The following NDE1 variants were observed in gnomAD, a reference collection of about 807,000 sequenced individuals.
NDE1 encodes the protein nudE neurodevelopment protein 1.
Under a neutral mutation model 43.4 loss-of-function variants are expected in NDE1, and 28 were observed. That is an observed-to-expected ratio of 0.65 (90% CI 0.48 to 0.89). The LOEUF is 0.89. Among genes scored for constraint, NDE1 ranks in the 40% least tolerant of loss-of-function variants. NDE1 has a pLI of 0.00. For synonymous variants in NDE1, 184 were observed against 172.0 expected, an observed-to-expected ratio of 1.07 and a Z score of -0.55; for missense variants, 441 against 434.1, an observed-to-expected ratio of 1.02 and a Z score of -0.14.
chr16:15,694,310 T>C, intron 7 of NDE1, 54 bp downstream of exon 7: 13 of 1,596,376 alleles, frequency 8.1e-6, no homozygotes, highest in Non-Finnish European at 1.1e-5. Context: ...TTTCAGGATG[T>C]GTGAAGGGGG....
intron 8 of NDE1, chr16:15,719,038 G>C: frequency 1.5e-6 from 1 of 661,128 alleles, no homozygotes; most frequent in South Asian, 1.6e-5. Context: ...TGAGGCAGGA[G>C]AATTGCTTGA....
intron 1 of NDE1, among the ~76,000 whole-genome samples, chr16:15,656,989 C>A (rs1382172566): frequency 6.6e-6 from 1 of 152,164 alleles, no homozygotes; most frequent in Non-Finnish European, 1.5e-5. Flanking sequence ...CAGGAGGAGT[C>A]ATTCTGCTTT....
Position 15,720,295 on chromosome 16 carries a change from C to T in NDE1, c.948-3896C>T, listed in dbSNP as rs140577744. On this transcript the variant is annotated intron_variant, in intron 8 of 8. Coordinates refer to ENST00000396354, the MANE Select transcript of NDE1 (RefSeq NM_017668.3). The stretch of plus-strand genomic sequence containing the variant: ...GTTGCTTTCGCTCGTCTTCCAGTTC[C>T]GTCTCATACTCGTGAAGCTGGGCGA... 1.1e-4 allele frequency: 173 copies of T among 1,613,982 alleles called. No individual in the cohort carries two copies. Among genetic ancestry groups the T allele is most frequent in the Non-Finnish European group, 1.3e-4 (150 of 1,180,002 alleles).
intron 5 of NDE1, among the ~76,000 whole-genome samples, chr16:15,689,552 A>G (rs2038622927): frequency 1.3e-5 from 2 of 152,204 alleles, no homozygotes; most frequent in Non-Finnish European, 1.5e-5. Flanking sequence ...CATACACAGG[A>G]CAACATATTG....
At chr16:15,691,366 T>G in intron 6 of NDE1, 43 bp downstream of exon 6, 3 of 1,599,068 alleles carry the variant, frequency 1.9e-6, no homozygotes, top group Non-Finnish European at 2.6e-6. Context: ...GTTCACAAAG[T>G]GTTTCTGGGT....
At chr16:15,668,040 C>G (rs1355558886) in intron 3 of NDE1, among the ~76,000 whole-genome samples, 1 of 151,646 alleles carries the variant, frequency 6.6e-6, no homozygotes, top group African/African-American at 2.4e-5. Flanking sequence ...TTACAGCTCA[C>G]TGCACCCTGG....
At chr16:15,700,109 GT>G in intron 8 of NDE1, 3 of 1,124,506 alleles carry the variant, frequency 2.7e-6, no homozygotes, top group Admixed American at 4.4e-5. Context: ...CTACCGTGTT[GT>G]TTTTGAGATA....
Position 15,725,155 on chromosome 16 carries a change from A to C in NDE1, c.*904A>C. On this transcript the variant is annotated 3_prime_UTR_variant, in exon 9 of 9. Transcript: ENST00000396354. ...CTGATAAAAAAAAAAAAAAACACACACACACACAAAAAAAACAGAATCTGT... is the reference window on the plus strand; with the variant it reads ...CTGATAAAAAAAAAAAAAAACACACCCACACACAAAAAAAACAGAATCTGT... The C allele has an allele frequency of 3.1e-6, 2 of 649,516 alleles. No homozygotes were observed. The highest frequency in any genetic ancestry group is 2.7e-5 in the East Asian group (1 of 36,818). 40.2% of individuals were successfully genotyped at this position (649,516 alleles called of 1,614,324 possible). A position where few individuals can be genotyped will look rare whatever the true frequency, so the allele number is the denominator to read the frequency against.
intron 8 of NDE1, chr16:15,699,507 G>A: frequency 8.7e-7 from 1 of 1,143,186 alleles, no homozygotes; most frequent in Non-Finnish European, 1.1e-6. Flanking sequence ...GGTAAGAGAT[G>A]GATTTTTCTA....
chr16:15,696,575 G>A, intron 7 of NDE1, 134 bp from the exon 8 acceptor site: 1 of 1,527,658 alleles, frequency 6.5e-7, no homozygotes, highest in Non-Finnish European at 8.8e-7. Context: ...GATTCCTCTT[G>A]GGGTCCCACC....
chr16:15,711,460 A>G (rs1252960691), intron 8 of NDE1, among the ~76,000 whole-genome samples: 2 of 152,198 alleles, frequency 1.3e-5, no homozygotes, highest in African/African-American at 2.4e-5. Flanking sequence ...TATTTTTATC[A>G]TATTACTTTC....
rs1277876461 is a variant in NDE1 at position 15,719,598 on chromosome 16, A to G, written c.948-4593A>G. 2.5e-6 allele frequency: 4 copies of G among 1,614,184 alleles called. No individual in the cohort carries two copies. Among genetic ancestry groups the G allele is most frequent in the South Asian group, 1.1e-5 (1 of 91,084 alleles). ...GCGAGGCTTTACCTCTTGTAGCTGC[A>G]TGAGGTCTGCTTCCAAGCTCTTGGC... is the stretch of plus-strand genomic sequence containing the variant. On this transcript the variant is annotated intron_variant, in intron 8 of 8. Transcript: ENST00000396354.
chr16:15,643,421 T>C (rs1423089806), exon 1 of NDE1: 11 of 464,584 alleles, frequency 2.4e-5, no homozygotes, highest in Non-Finnish European at 4.4e-5. Context: ...CGTTGTGGAG[T>C]CGAAAGGAAC....
At chr16:15,697,112 G>C (rs555575478) in intron 8 of NDE1, 1 of 961,124 alleles carries the variant, frequency 1.0e-6, no homozygotes. Context: ...ACGATGGCAG[G>C]ATCATGGCTC....
intron 3 of NDE1, 84 bp from the exon 4 acceptor site, chr16:15,677,717 G>GTGACTCCAGGTGGATGTGTGC: frequency 1.6e-5 from 24 of 1,503,710 alleles, no homozygotes; most frequent in Middle Eastern, 1.7e-4. Flanking sequence ...CCGAGTAGCT[G>GTGACTCCAGGTGGATGTGTGC]TGACTCCAGG....
intron 6 of NDE1, among the ~76,000 whole-genome samples, chr16:15,693,704 C>T (rs2038867875): frequency 6.6e-6 from 1 of 152,092 alleles, no homozygotes; most frequent in Non-Finnish European, 1.5e-5. Flanking sequence ...CTTTTGGAGG[C>T]CAAGGCGGGC....
Position 15,696,774 on chromosome 16 carries a change from T to G in NDE1, c.861T>G (p.Gly287=). The part of the protein sequence containing the change: ...LVYDQSPNRT[G]GPASGRSSKN... ...ACGATCAGTCCCCAAACCGAACAGG[T>G]GGCCCAGCCTCTGGGCGGAGCAGCA... Residue 287 remains glycine (G), a synonymous_variant, in exon 8 of 9, where the codon GGT becomes GGG. Coordinates refer to ENST00000396354, the MANE Select transcript of NDE1 (RefSeq NM_017668.3). 1 of 1,614,166 alleles carries G rather than the reference T, an allele frequency of 6.2e-7. No homozygotes were observed. The highest frequency in any genetic ancestry group is 1.1e-5 in the South Asian group (1 of 91,072).
chr16:15,685,940 T>C (rs2151097163), intron 4 of NDE1, among the ~76,000 whole-genome samples: 1 of 151,706 alleles, frequency 6.6e-6, no homozygotes, highest in African/African-American at 2.4e-5. Flanking sequence ...ATCTGTTGTG[T>C]GCTTCCTGTA....
intron 8 of NDE1, chr16:15,699,869 A>T (rs1414285685): frequency 7.6e-7 from 1 of 1,320,934 alleles, no homozygotes; most frequent in Non-Finnish European, 9.9e-7. Context: ...GGAAGTCGTT[A>T]CCTTTTGTCG....
Sources: gnomAD v4.1 joint callset for allele counts (sites outside exome capture counted in the v4.1 genomes callset) on GRCh38, gnomAD v4.1.1 for gene constraint, MANE v1.5 for transcripts, NCBI Gene and HGNC (gene_info 2026-07-23, HGNC 2026-07-21) for gene names.